The following FBXO22 variants were observed in gnomAD, a reference collection of about 807,000 sequenced individuals.
FBXO22 encodes the protein F-box protein 22, also known as F-box only protein 22.
In FBXO22, 13 loss-of-function variants were observed where a neutral mutation model predicts 37.2. The ratio of observed to expected loss-of-function variants is 0.35; its 90% CI spans 0.23 to 0.56. The LOEUF (loss-of-function observed/expected upper bound fraction) is 0.56, where lower values mean the gene tolerates loss of function less well. Ranked by LOEUF, FBXO22 falls within the 20% of genes least tolerant of loss-of-function variation. FBXO22 has a pLI of 0.87. For synonymous variants in FBXO22, 189 were observed against 189.1 expected, an observed-to-expected ratio of 1.00 and a Z score of 0.00; for missense variants, 446 against 509.9, an observed-to-expected ratio of 0.87 and a Z score of 1.21.
chr15:75,925,064 C>T (rs1900409341), intron 5 of FBXO22, among the ~76,000 whole-genome samples: 1 of 152,128 alleles, frequency 6.6e-6, no homozygotes. Flanking sequence ...GTTGCCTTTG[C>T]TCTTTGAAGG....
At chr15:75,928,730 T>TAA (rs56709997) in intron 5 of FBXO22, among the ~76,000 whole-genome samples, 1 of 149,696 alleles carries the variant, frequency 6.7e-6, no homozygotes, top group Non-Finnish European at 1.5e-5. Context: ...TCCCTGAACT[T>TAA]AAAAAAAAAA....
rs951394009 is a variant in FBXO22 at position 75,935,932 on chromosome 15, C to T, written c.*2830C>T. 6 of 152,074 alleles carry T rather than the reference C, an allele frequency of 3.9e-5. No individual in the cohort carries two copies. The highest frequency in any genetic ancestry group is 4.2e-4 in the South Asian group (2 of 4,812). 9.4% of individuals were successfully genotyped at this position (152,074 alleles called of 1,614,324 possible). ...CCTCCCGAGTAGCTGGGACTACAGG[C>T]GCCCGCCACCGCGCCCGGCTAATTT... is the stretch of plus-strand genomic sequence containing the variant. On this transcript the variant is annotated 3_prime_UTR_variant, in exon 7 of 7. Transcript: ENST00000308275.
rs1224389124 is a variant in FBXO22, at chr15:75,938,864, C to CAA, written c.*5765_*5766dup. ...AATTCACAAACTTGTGGAAATTAAA[C>CAA]AAAACACTCAACCAATGGGTCAAAG... On this transcript the variant is annotated 3_prime_UTR_variant, in exon 7 of 7. Transcript: ENST00000308275. The CAA allele has an allele frequency of 6.6e-6, 1 of 151,876 alleles. No individual in the cohort carries two copies. The highest frequency in any genetic ancestry group is 2.4e-5 in the African/African-American group (1 of 41,354). The allele number at this position is 151,876 out of a possible 1,614,324, so 9.4% of individuals were successfully genotyped here.
At position 75,936,474 on chromosome 15, in the gene FBXO22, C is replaced by G. The variant is rs543007423; in HGVS notation, c.*3372C>G. The G allele has an allele frequency of 6.7e-4, 102 of 152,272 alleles. No individual in the cohort carries two copies. The highest frequency in any genetic ancestry group is 2.2e-3 in the African/African-American group (91 of 41,562). 9.4% of individuals were successfully genotyped at this position (152,272 alleles called of 1,614,324 possible). On this transcript the variant is annotated 3_prime_UTR_variant, in exon 7 of 7. Coordinates refer to ENST00000308275, the MANE Select transcript of FBXO22 (RefSeq NM_147188.3). The stretch of plus-strand genomic sequence containing the variant: ...TGTTATTTTTGTTTTATATATTTAA[C>G]TTCTACCCTATGCCACAACTGAAGA...
chr15:75,920,869 C>T (rs1340636903), intron 5 of FBXO22, among the ~76,000 whole-genome samples: 1 of 152,170 alleles, frequency 6.6e-6, no homozygotes, highest in South Asian at 2.1e-4. Context: ...TTAAAGGTGA[C>T]ATAACTGGAT....
intron 2 of FBXO22, among the ~76,000 whole-genome samples, chr15:75,908,276 G>T (rs1306425037): frequency 4.6e-5 from 7 of 150,622 alleles, no homozygotes; most frequent in Non-Finnish European, 8.9e-5. Flanking sequence ...TGTTTTGTTT[G>T]GTTTTTTTTT....
chr15:75,923,335 T>G (rs576377655), intron 5 of FBXO22, among the ~76,000 whole-genome samples: 1 of 152,248 alleles, frequency 6.6e-6, no homozygotes, highest in South Asian at 2.1e-4. Context: ...AGCTTTCTTA[T>G]AGGTGTCCTT....
chr15:75,921,701 T>C (rs968535302), intron 5 of FBXO22, among the ~76,000 whole-genome samples: 7 of 152,196 alleles, frequency 4.6e-5, no homozygotes, highest in African/African-American at 1.7e-4. Flanking sequence ...AAATTAACTT[T>C]AGCTAGACAA....
intron 2 of FBXO22, among the ~76,000 whole-genome samples, chr15:75,908,092 A>G (rs1899968507): frequency 6.6e-6 from 1 of 152,134 alleles, no homozygotes; most frequent in South Asian, 2.1e-4. Flanking sequence ...CACTACTTCT[A>G]GTGTGAATTA....
chr15:75,904,091 T>C lies in FBXO22; in HGVS notation c.128T>C (p.Leu43Pro), dbSNP rs1899861917. The change falls in exon 1 of 7, where the codon CTG becomes CCG. Residue 43 changes from leucine to proline, a missense_variant. Physicochemically the swap from Leu to Pro is moderately conservative, Grantham distance 98. Transcript: ENST00000308275. ...ACCTTCCTGCCCGCCAAGGCGTTGCTGCGGGTGGCCTGGTGAGGAGAGGAG... is the reference window on the plus strand; with the variant it reads ...ACCTTCCTGCCCGCCAAGGCGTTGCCGCGGGTGGCCTGGTGAGGAGAGGAG... ...VLTFLPAKAL[L>P]RVACVCRLWR... 2 of 1,545,550 alleles carry C rather than the reference T, an allele frequency of 1.3e-6. No individual in the cohort carries two copies. Among genetic ancestry groups the C allele is most frequent in the Non-Finnish European group, 1.7e-6 (2 of 1,143,412 alleles).
chr15:75,923,795 C>T (rs1192079085), intron 5 of FBXO22, among the ~76,000 whole-genome samples: 5 of 152,062 alleles, frequency 3.3e-5, no homozygotes, highest in East Asian at 3.9e-4. Context: ...GCAGGAGACA[C>T]AGACTGTTGT....
In FBXO22 at chr15:75,933,225, T is replaced by A; in HGVS notation, c.*123T>A. On this transcript the variant is annotated 3_prime_UTR_variant, in exon 7 of 7. Transcript: ENST00000308275. ...GATATATCTTTTTTGTAGCTTTGAT[T>A]GATGCTCTAAGATCACATGAGGGTA... 1 of 789,972 alleles carries A rather than the reference T, an allele frequency of 1.3e-6. No individual in the cohort carries two copies. Among genetic ancestry groups the A allele is most frequent in the Non-Finnish European group, 2.0e-6 (1 of 504,988 alleles). 48.9% of individuals were successfully genotyped at this position (789,972 alleles called of 1,614,324 possible). A position where few individuals can be genotyped will look rare whatever the true frequency, so the allele number is the denominator to read the frequency against.
chr15:75,924,001 C>T (rs55828994), intron 5 of FBXO22, among the ~76,000 whole-genome samples: 6,008 of 152,208 alleles, frequency 0.039, 213 homozygotes, highest in African/African-American at 0.094. Context: ...TGTATAGTAC[C>T]ATTGACTAAG....
intron 2 of FBXO22, among the ~76,000 whole-genome samples, chr15:75,907,351 C>A (rs934198866): frequency 6.6e-6 from 1 of 152,178 alleles, no homozygotes; most frequent in Admixed American, 6.5e-5. Flanking sequence ...ACATTACTTA[C>A]AATACCAGGA....
chr15:75,904,469 C>T (rs1899874906), intron 1 of FBXO22, 22 bp from the exon 2 acceptor site: 3 of 1,613,566 alleles, frequency 1.9e-6, no homozygotes, highest in East Asian at 2.2e-5. Flanking sequence ...GTTCGCAATC[C>T]TTTGTGCGTT....
intron 5 of FBXO22, among the ~76,000 whole-genome samples, chr15:75,929,227 T>C (rs901115819): frequency 2.6e-5 from 4 of 151,914 alleles, no homozygotes; most frequent in Non-Finnish European, 5.9e-5. Flanking sequence ...GAGGACACTG[T>C]CATTGGATTT....
At chr15:75,928,352 A>C (rs376056704) in intron 5 of FBXO22, among the ~76,000 whole-genome samples, 11 of 152,198 alleles carry the variant, frequency 7.2e-5, no homozygotes, top group African/African-American at 2.4e-4. Flanking sequence ...ATCAACCTGA[A>C]TGCCCATCAG....
intron 5 of FBXO22, among the ~76,000 whole-genome samples, chr15:75,918,321 GA>G (rs1159069812): frequency 0.02 from 2,811 of 139,358 alleles, 90 homozygotes; most frequent in African/African-American, 0.068. Flanking sequence ...TGACAATGTG[GA>G]AAAAAAAAAA....
chr15:75,906,343 G>A (rs1899929174), intron 2 of FBXO22, among the ~76,000 whole-genome samples: 1 of 152,030 alleles, frequency 6.6e-6, no homozygotes, highest in Admixed American at 6.6e-5. Flanking sequence ...CTGCTCCAAA[G>A]CCCAGTCATT....
Sources: gnomAD v4.1 joint callset for allele counts (sites outside exome capture counted in the v4.1 genomes callset) on GRCh38, gnomAD v4.1.1 for gene constraint, MANE v1.5 for transcripts, NCBI Gene and HGNC (gene_info 2026-07-23, HGNC 2026-07-21) for gene names.